BMPR2: variants seen among roughly 807,000 people sequenced by gnomAD.
The protein encoded by BMPR2 is bone morphogenetic protein receptor type 2.
A neutral mutation model predicts 100.8 loss-of-function variants in BMPR2; 29 were observed. The ratio of observed to expected loss-of-function variants is 0.29; its 90% CI spans 0.21 to 0.39. The LOEUF (loss-of-function observed/expected upper bound fraction) is 0.39. BMPR2 is among the 10% of genes least tolerant of loss of function. The pLI, the probability that BMPR2 is intolerant of heterozygous loss-of-function variation, is 1.00. For synonymous variants in BMPR2, 382 were observed against 442.3 expected, an observed-to-expected ratio of 0.86 and a Z score of 1.71; for missense variants, 1,011 against 1,274.5, an observed-to-expected ratio of 0.79 and a Z score of 3.15.
intron 5 of BMPR2, among the ~76,000 whole-genome samples, chr2:202,517,290 A>G (rs74508472): frequency 0.098 from 14,792 of 151,110 alleles, 979 homozygotes; most frequent in South Asian, 0.24. Flanking sequence ...ACATACCACA[A>G]ATCTGTTTGG....
rs529148053 is a variant in BMPR2, at chr2:202,501,219, T to A, written c.419-12500T>A. 3.3e-5 allele frequency among the ~76,000 whole-genome samples: 5 copies of A among 152,290 alleles called. No homozygotes were observed. In the South Asian group the frequency reaches 8.3e-4, roughly 25 times the overall value. On this transcript the variant is annotated intron_variant, in intron 3 of 12. Transcript: ENST00000374580. ...ACCAGGGCCCTCAGCAAGGAACGAA[T>A]ACAGCCTATACTGGCTTATCCTCGC... is the stretch of plus-strand genomic sequence containing the variant.
chr2:202,377,204 A>AC lies in BMPR2; in HGVS notation c.-270dup, dbSNP rs1397869066. 1.7e-6 allele frequency: 1 copy of AC among 599,002 alleles called. No individual in the cohort carries two copies. Among genetic ancestry groups the AC allele is most frequent in the African/African-American group, 1.9e-5 (1 of 53,734 alleles). 37.1% of individuals were successfully genotyped at this position (599,002 alleles called of 1,614,324 possible). Reference sequence around the variant, plus strand: ...TTCTTCTTGGCTCCCTGCTTTCCCCACAGACATGCCTTCCGTTTGGAGGGC... The same window carrying AC: ...TTCTTCTTGGCTCCCTGCTTTCCCCACCAGACATGCCTTCCGTTTGGAGGGC... On this transcript the variant is annotated 5_prime_UTR_variant, in exon 1 of 13. Coordinates refer to ENST00000374580, the MANE Select transcript of BMPR2 (RefSeq NM_001204.7).
Position 202,513,767 on chromosome 2 carries a change from C to T in BMPR2, c.467C>T (p.Ala156Val), listed in dbSNP as rs781486662. 5 of 1,613,426 alleles carry T rather than the reference C, an allele frequency of 3.1e-6. No individual in the cohort carries two copies. Among genetic ancestry groups the T allele is most frequent in the Non-Finnish European group, 4.2e-6 (5 of 1,179,658 alleles). The change falls in exon 4 of 13, where the codon GCA becomes GTA. Residue 156 changes from alanine to valine, a missense_variant. Transcript: ENST00000374580. The part of the protein sequence containing the change: ...NRDETIIIAL[A>V]SVSVLAVLIV... Reference sequence around the variant, plus strand: ...GATGAGACAATAATCATTGCTTTGGCATCAGTCTCTGTATTAGCTGTTTTG... The same window carrying T: ...GATGAGACAATAATCATTGCTTTGGTATCAGTCTCTGTATTAGCTGTTTTG...
rs560229378 is a variant in BMPR2 at position 202,481,805 on chromosome 2, G to A, written c.418+14116G>A. Among the ~76,000 whole-genome samples, 9 of 152,208 alleles carry A rather than the reference G, an allele frequency of 5.9e-5. No individual in the cohort carries two copies. In the South Asian group the frequency reaches 6.2e-4, roughly 11 times the overall value. On this transcript the variant is annotated intron_variant, in intron 3 of 12. Coordinates refer to ENST00000374580, the MANE Select transcript of BMPR2 (RefSeq NM_001204.7). ...AGACAGCTGCATGTAGTGTATGTAC[G>A]TTACAATAAATTATTTTGTAAAAAT...
chr2:202,396,384 T>C (rs1016841606), intron 1 of BMPR2, among the ~76,000 whole-genome samples: 18 of 152,258 alleles, frequency 1.2e-4, no homozygotes, highest in Admixed American at 5.9e-4. Context: ...GAAGAAAGTA[T>C]TGTAAGGGGA....
chr2:202,451,999 C>A (rs1056361851), intron 1 of BMPR2, among the ~76,000 whole-genome samples: 9 of 152,100 alleles, frequency 5.9e-5, no homozygotes, highest in African/African-American at 2.2e-4. Flanking sequence ...GGTGATCCGC[C>A]TGCCTCAGTC....
chr2:202,445,007 C>T (rs1199565607), intron 1 of BMPR2, among the ~76,000 whole-genome samples: 3 of 150,280 alleles, frequency 2.0e-5, no homozygotes, highest in African/African-American at 7.6e-5. Flanking sequence ...AGGCTGGTCT[C>T]GAACTCCCGA....
chr2:202,496,188 T>A (rs537915629), intron 3 of BMPR2, among the ~76,000 whole-genome samples: 1 of 152,346 alleles, frequency 6.6e-6, no homozygotes, highest in South Asian at 2.1e-4. Flanking sequence ...TTTAACAGGT[T>A]TATTTATAAT....
At chr2:202,446,969 G>T (rs1449369324) in intron 1 of BMPR2, among the ~76,000 whole-genome samples, 2 of 148,846 alleles carry the variant, frequency 1.3e-5, no homozygotes, top group African/African-American at 5.1e-5. Flanking sequence ...TAAAAATGCA[G>T]TTACATTATG....
intron 1 of BMPR2, among the ~76,000 whole-genome samples, chr2:202,407,955 T>G (rs1011167983): frequency 6.6e-6 from 1 of 151,196 alleles, no homozygotes; most frequent in Admixed American, 6.6e-5. Context: ...TGCCTCAGCC[T>G]CCCGAGTAGC....
intron 1 of BMPR2, among the ~76,000 whole-genome samples, chr2:202,390,311 G>T (rs1316399999): frequency 1.3e-5 from 2 of 150,698 alleles, no homozygotes; most frequent in African/African-American, 4.9e-5. Flanking sequence ...AGTAGTGTAT[G>T]AGAACCTCCC....
In BMPR2 at chr2:202,467,450, A is replaced by T; in HGVS notation, c.248-69A>T. The T allele has an allele frequency of 2.3e-6, 3 of 1,311,480 alleles. No homozygotes were observed. In the South Asian group the frequency reaches 3.6e-5, roughly 16 times the overall value. The allele number at this position is 1,311,480 out of a possible 1,614,324, so 81.2% of individuals were successfully genotyped here. A position where few individuals can be genotyped will look rare whatever the true frequency, so the allele number is the denominator to read the frequency against. On this transcript the variant is annotated intron_variant, in intron 2 of 12. Transcript: ENST00000374580. ...CTCACATTTATTGAAATTACTGCTT[A>T]GTTTGTTGTTTTTCTCTTAGTTTTC...
intron 9 of BMPR2, among the ~76,000 whole-genome samples, chr2:202,535,507 C>T (rs1434463943): frequency 6.6e-6 from 1 of 150,430 alleles, no homozygotes; most frequent in Admixed American, 6.6e-5. Context: ...CAGAGACGCT[C>T]CTCACTTCCT....
In BMPR2 at chr2:202,518,736, T is replaced by A; in HGVS notation, c.622-86T>A. On this transcript the variant is annotated intron_variant, in intron 5 of 12. Coordinates refer to ENST00000374580, the MANE Select transcript of BMPR2 (RefSeq NM_001204.7). ...TGTAAGCAACAGAGAGCTGTAGCAT[T>A]CTGTTTAAATTTGTACTTTATTATT... The A allele has an allele frequency of 3.8e-6, 4 of 1,049,482 alleles. No homozygotes were observed. In the South Asian group the frequency reaches 5.3e-5, roughly 14 times the overall value. The allele number at this position is 1,049,482 out of a possible 1,614,324, so 65.0% of individuals were successfully genotyped here.
At position 202,507,259 on chromosome 2, in the gene BMPR2, T is replaced by G. The variant is rs1231232677; in HGVS notation, c.419-6460T>G. Among the ~76,000 whole-genome samples, 4 of 152,266 alleles carry G rather than the reference T, an allele frequency of 2.6e-5. No homozygotes were observed. The East Asian group carries it at 7.7e-4, about 29-fold the overall frequency. The stretch of plus-strand genomic sequence containing the variant: ...CATTTAGTTTCCTTTTGTCCTTAGA[T>G]CTTATTTTTAAAGAAAAGGTTATGA... On this transcript the variant is annotated intron_variant, in intron 3 of 12. Coordinates refer to ENST00000374580, the MANE Select transcript of BMPR2 (RefSeq NM_001204.7).
chr2:202,521,721 G>GT (rs1450624731), intron 7 of BMPR2, among the ~76,000 whole-genome samples: 1 of 152,184 alleles, frequency 6.6e-6, no homozygotes, highest in Non-Finnish European at 1.5e-5. Flanking sequence ...TGAGCCTGGT[G>GT]TTGTACAGGG....
chr2:202,383,661 C>T (rs1253326944), intron 1 of BMPR2, among the ~76,000 whole-genome samples: 5 of 138,280 alleles, frequency 3.6e-5, no homozygotes, highest in South Asian at 2.3e-4. Context: ...GCAACAAGAG[C>T]GAAACTCTGT....
intron 7 of BMPR2, among the ~76,000 whole-genome samples, chr2:202,525,574 C>T (rs1298574170): frequency 1.3e-5 from 2 of 152,152 alleles, no homozygotes; most frequent in African/African-American, 2.4e-5. Flanking sequence ...GGAATTGTCC[C>T]TTTCTGTCTC....
chr2:202,416,062 G>T (rs1559031406), intron 1 of BMPR2, among the ~76,000 whole-genome samples: 2 of 152,202 alleles, frequency 1.3e-5, no homozygotes, highest in Non-Finnish European at 2.9e-5. Context: ...ATTCATGGGA[G>T]GAGGTTAAAA....
Sources: allele counts gnomAD v4.1 joint callset (sites outside exome capture counted in the v4.1 genomes callset), GRCh38; gene constraint gnomAD v4.1.1; transcripts MANE v1.5; gene names NCBI Gene and HGNC (gene_info 2026-07-23, HGNC 2026-07-21).